The following CDKAL1 variants were observed in gnomAD, a reference collection of about 807,000 sequenced individuals.
CDKAL1 encodes the protein CDKAL1 threonylcarbamoyladenosine tRNA methylthiotransferase, also known as threonylcarbamoyladenosine tRNA methylthiotransferase.
CDKAL1 carries 32 observed loss-of-function variants against 68.2 expected under a neutral mutation model. That is an observed-to-expected ratio of 0.47 (90% CI 0.35 to 0.63). The LOEUF (loss-of-function observed/expected upper bound fraction) is 0.63, where lower values mean the gene tolerates loss of function less well. Among genes scored for constraint, CDKAL1 ranks in the 30% least tolerant of loss-of-function variants. CDKAL1 has a pLI of 0.00. For synonymous variants in CDKAL1, 234 were observed against 244.3 expected, an observed-to-expected ratio of 0.96 and a Z score of 0.39; for missense variants, 606 against 696.7, an observed-to-expected ratio of 0.87 and a Z score of 1.47.
At chr6:20,933,552 G>A (rs1763565914) in intron 9 of CDKAL1, among the ~76,000 whole-genome samples, 1 of 152,200 alleles carries the variant, frequency 6.6e-6, no homozygotes, top group Admixed American at 6.5e-5. Flanking sequence ...ACTGGCAGTT[G>A]CCTCAGGCAG....
At chr6:21,068,544 A>T (rs975819182) in intron 12 of CDKAL1, among the ~76,000 whole-genome samples, 5 of 152,166 alleles carry the variant, frequency 3.3e-5, no homozygotes, top group Admixed American at 2.0e-4. Context: ...ACATGTATGT[A>T]CATGTGTGGG....
intron 6 of CDKAL1, among the ~76,000 whole-genome samples, chr6:20,749,042 G>T (rs1438978215): frequency 6.6e-6 from 1 of 150,606 alleles, no homozygotes. Context: ...CTCCTGAAAG[G>T]ATTTGAGGTA....
intron 4 of CDKAL1, among the ~76,000 whole-genome samples, chr6:20,569,851 G>C (rs912415059): frequency 1.3e-5 from 2 of 152,154 alleles, no homozygotes; most frequent in Non-Finnish European, 2.9e-5. Context: ...AGGATTGGAA[G>C]TTAAAAAGGG....
intron 12 of CDKAL1, among the ~76,000 whole-genome samples, chr6:21,073,828 TTTTG>T (rs1402588348): frequency 1.3e-5 from 2 of 151,846 alleles, no homozygotes; most frequent in African/African-American, 4.8e-5. Context: ...ACAGACTAAT[TTTTG>T]TTTATTTATT....
At chr6:20,557,050 A>AAATAAAT (rs775804106) in intron 4 of CDKAL1, among the ~76,000 whole-genome samples, 1 of 88,906 alleles carries the variant, frequency 1.1e-5, no homozygotes, top group African/African-American at 3.5e-5. Context: ...TCAAAAAAAA[A>AAATAAAT]AAATAAATAA....
In CDKAL1 at chr6:21,226,614, TTC is replaced by T. The variant is rs775949457; in HGVS notation, c.1549-4232_1549-4231del. Among the ~76,000 whole-genome samples the T allele has an allele frequency of 4.6e-5, 7 of 152,352 alleles. No homozygotes were observed. In the East Asian group the frequency reaches 5.8e-4, roughly 13 times the overall value. Reference sequence around the variant, plus strand: ...GGTCATATCCTGCCTTGTTTCAAATTTCTGTTTTTAAAAAAGCATTTCTGAGT... The same window carrying T: ...GGTCATATCCTGCCTTGTTTCAAATTTGTTTTTAAAAAAGCATTTCTGAGT... On this transcript the variant is annotated intron_variant, in intron 15 of 15. Transcript: ENST00000274695.
At chr6:20,602,134 T>C (rs958793814) in intron 4 of CDKAL1, among the ~76,000 whole-genome samples, 1 of 152,196 alleles carries the variant, frequency 6.6e-6, no homozygotes, top group Non-Finnish European at 1.5e-5. Context: ...ATTATAATAC[T>C]ATTTTGTAGA....
At chr6:20,698,916 C>T (rs1315370764) in intron 5 of CDKAL1, among the ~76,000 whole-genome samples, 1 of 152,146 alleles carries the variant, frequency 6.6e-6, no homozygotes, top group Admixed American at 6.5e-5. Context: ...AGAATTTATT[C>T]TATTTAAATG....
chr6:20,770,276 T>TA (rs1018980255), intron 7 of CDKAL1, among the ~76,000 whole-genome samples: 1 of 152,014 alleles, frequency 6.6e-6, no homozygotes, highest in Non-Finnish European at 1.5e-5. Flanking sequence ...AAGCAACTGT[T>TA]AAAAAAGCCA....
chr6:20,661,292 T>G (rs985195086), intron 5 of CDKAL1, among the ~76,000 whole-genome samples: 5 of 152,198 alleles, frequency 3.3e-5, no homozygotes, highest in African/African-American at 1.2e-4. Flanking sequence ...TATTTTCTGT[T>G]GTTGCGAGGA....
intron 13 of CDKAL1, among the ~76,000 whole-genome samples, chr6:21,146,386 T>C (rs189086492): frequency 6.6e-6 from 1 of 152,330 alleles, no homozygotes; most frequent in East Asian, 1.9e-4. Context: ...AGGGTGTTTT[T>C]GATTTCTGAC....
At chr6:20,987,101 C>G (rs1428876188) in intron 10 of CDKAL1, among the ~76,000 whole-genome samples, 1 of 152,122 alleles carries the variant, frequency 6.6e-6, no homozygotes. Context: ...TTCACTGACT[C>G]AAAAGGACAA....
intron 11 of CDKAL1, among the ~76,000 whole-genome samples, chr6:21,007,466 G>C (rs1421367835): frequency 9.6e-6 from 1 of 103,988 alleles, no homozygotes; most frequent in African/African-American, 3.9e-5. Flanking sequence ...CTGGGCAACA[G>C]AGCAAGACCC....
rs1472954140 is a variant in CDKAL1 at position 20,813,970 on chromosome 6, T to C, written c.639-32105T>C. Among the ~76,000 whole-genome samples the C allele has an allele frequency of 2.6e-5, 4 of 152,018 alleles. No individual in the cohort carries two copies. The South Asian group carries it at 6.2e-4, about 24-fold the overall frequency. On this transcript the variant is annotated intron_variant, in intron 8 of 15. Coordinates refer to ENST00000274695, the MANE Select transcript of CDKAL1 (RefSeq NM_017774.3). ...CAGTTTTTACAAAAAAATGCCTCTT[T>C]TATTATTGTCATTTGGATTCCATTG...
At chr6:20,851,030 T>C (rs371014028) in intron 9 of CDKAL1, among the ~76,000 whole-genome samples, 5 of 147,912 alleles carry the variant, frequency 3.4e-5, no homozygotes, top group Admixed American at 1.3e-4. Context: ...GTTTTTTTTT[T>C]CTCTCTCTCA....
chr6:20,634,720 G>A (rs899053808), intron 4 of CDKAL1, among the ~76,000 whole-genome samples: 3 of 152,220 alleles, frequency 2.0e-5, no homozygotes, highest in African/African-American at 7.2e-5. Flanking sequence ...GCTCATGCCT[G>A]TAATCCCAGC....
At chr6:20,579,405 A>G (rs1206800707) in intron 4 of CDKAL1, among the ~76,000 whole-genome samples, 1 of 152,218 alleles carries the variant, frequency 6.6e-6, no homozygotes, top group Non-Finnish European at 1.5e-5. Flanking sequence ...GCTTGTAATC[A>G]GTGCCCTTAT....
chr6:20,865,663 A>G (rs2150531139), intron 9 of CDKAL1, among the ~76,000 whole-genome samples: 1 of 152,210 alleles, frequency 6.6e-6, no homozygotes, highest in African/African-American at 2.4e-5. Flanking sequence ...TCAAATTTTG[A>G]GATTGAAAAT....
At chr6:20,888,931 C>T (rs1483316137) in intron 9 of CDKAL1, among the ~76,000 whole-genome samples, 2 of 152,160 alleles carry the variant, frequency 1.3e-5, no homozygotes. Flanking sequence ...TTCTAGATCC[C>T]TGAGGAATCG....
Sources: gnomAD v4.1 joint callset for allele counts (sites outside exome capture counted in the v4.1 genomes callset) on GRCh38, gnomAD v4.1.1 for gene constraint, MANE v1.5 for transcripts, NCBI Gene and HGNC (gene_info 2026-07-23, HGNC 2026-07-21) for gene names.